ATP8B4: variants seen among roughly 807,000 people sequenced by gnomAD.
The protein encoded by ATP8B4 is probable phospholipid-transporting ATPase IM.
In ATP8B4, 133 loss-of-function variants were observed where a neutral mutation model predicts 145.6. The observed-to-expected ratio is 0.91, with a 90% CI of 0.79 to 1.05. The LOEUF (loss-of-function observed/expected upper bound fraction) is 1.05, where lower values mean the gene tolerates loss of function less well. ATP8B4 is among the 50% of genes least tolerant of loss of function. The probability of loss-of-function intolerance (pLI) is 0.00; values close to 1 mark genes in which losing one functional copy is unlikely to be tolerated. For missense variants in ATP8B4, 1,458 were observed against 1,425.2 expected, an observed-to-expected ratio of 1.02 and a Z score of -0.37; for synonymous variants, 507 against 492.9, an observed-to-expected ratio of 1.03 and a Z score of -0.38.
intron 23 of ATP8B4, chr15:49,894,848 T>C (rs1029668997): frequency 6.6e-6 from 1 of 152,228 alleles, no homozygotes. Context: ...GAAAGGACTA[T>C]AGAAACACCC....
At chr15:49,863,962 T>C (rs2032327735) in intron 26 of ATP8B4, among the ~76,000 whole-genome samples, 1 of 152,162 alleles carries the variant, frequency 6.6e-6, no homozygotes, top group Admixed American at 6.5e-5. Flanking sequence ...GGCATTCTAG[T>C]CTCATTATGC....
intron 26 of ATP8B4, among the ~76,000 whole-genome samples, chr15:49,864,936 T>C (rs2032522227): frequency 6.6e-6 from 1 of 152,232 alleles, no homozygotes; most frequent in South Asian, 2.1e-4. Flanking sequence ...GCTGTATGTT[T>C]GGTCTTCTTC....
chr15:50,072,923 T>C (rs146676916), intron 3 of ATP8B4, among the ~76,000 whole-genome samples: 4,132 of 12,832 alleles, frequency 0.32, 219 homozygotes, highest in African/African-American at 0.36. Context: ...GTGCCCGGCC[T>C]CTCTCTCTCT....
chr15:49,950,991 T>C (rs1345495595), intron 14 of ATP8B4, among the ~76,000 whole-genome samples: 3 of 152,246 alleles, frequency 2.0e-5, no homozygotes, highest in Non-Finnish European at 4.4e-5. Flanking sequence ...TTAATTTCCA[T>C]GAAATTGTGT....
chr15:49,885,542 TA>T (rs1951331407), intron 23 of ATP8B4, among the ~76,000 whole-genome samples: 1 of 152,246 alleles, frequency 6.6e-6, no homozygotes, highest in African/African-American at 2.4e-5. Flanking sequence ...GTAGGTACTC[TA>T]TAAATACTTG....
At chr15:50,003,436 T>C (rs2048064199) in intron 7 of ATP8B4, among the ~76,000 whole-genome samples, 1 of 152,000 alleles carries the variant, frequency 6.6e-6, no homozygotes, top group Admixed American at 6.6e-5. Flanking sequence ...CCACAGAAGC[T>C]TGTTGAGGCA....
At chr15:50,041,459 C>A (rs1204914747) in intron 5 of ATP8B4, among the ~76,000 whole-genome samples, 1 of 152,146 alleles carries the variant, frequency 6.6e-6, no homozygotes, top group African/African-American at 2.4e-5. Context: ...CATTTGTTTC[C>A]AAAGCTGTGA....
intron 20 of ATP8B4, among the ~76,000 whole-genome samples, chr15:49,907,627 T>C (rs755532435): frequency 7.2e-5 from 11 of 152,206 alleles, no homozygotes; most frequent in Non-Finnish European, 1.3e-4. Context: ...TAAGTTCTTA[T>C]CTAATCCCCC....
At chr15:50,116,015 G>A (rs1055083097) in intron 1 of ATP8B4, among the ~76,000 whole-genome samples, 1 of 152,168 alleles carries the variant, frequency 6.6e-6, no homozygotes, top group African/African-American at 2.4e-5. Flanking sequence ...TTTTAGGAAG[G>A]TTAATCTCAC....
chr15:50,145,477 T>C lies in ATP8B4; in HGVS notation c.-43+36784A>G, dbSNP rs147647482. On this transcript the variant is annotated intron_variant, in intron 1 of 3. Transcript: ENST00000558829. ...GAATCCATTTAAAATATTTCTGCAT[T>C]GGGTGGGAGTCTGTCCTAAACACAC... Among the ~76,000 whole-genome samples, 15 of 152,330 alleles carry C rather than the reference T, an allele frequency of 9.8e-5. No individual in the cohort carries two copies. The East Asian group carries it at 2.7e-3, about 27-fold the overall frequency.
intron 4 of ATP8B4, among the ~76,000 whole-genome samples, chr15:50,046,368 G>A (rs1483200439): frequency 6.6e-6 from 1 of 151,884 alleles, no homozygotes; most frequent in Non-Finnish European, 1.5e-5. Context: ...CAAGTAGAGG[G>A]CCTACCTAAG....
intron 1 of ATP8B4, among the ~76,000 whole-genome samples, chr15:50,144,967 T>C (rs966075612): frequency 1.1e-4 from 17 of 152,172 alleles, no homozygotes; most frequent in African/African-American, 3.9e-4. Context: ...GTAGAAAATA[T>C]TTCGTTCTTA....
intron 20 of ATP8B4, among the ~76,000 whole-genome samples, chr15:49,902,818 G>A (rs1184469977): frequency 6.6e-6 from 1 of 152,166 alleles, no homozygotes; most frequent in Non-Finnish European, 1.5e-5. Flanking sequence ...CTCTGACAAT[G>A]TTGCAGAGCT....
Position 49,968,211 on chromosome 15 carries a change from C to T in ATP8B4, c.1243+4371G>A, listed in dbSNP as rs541260394. 3.3e-5 allele frequency among the ~76,000 whole-genome samples: 5 copies of T among 152,308 alleles called. No homozygotes were observed. The East Asian group carries it at 9.6e-4, about 29-fold the overall frequency. On this transcript the variant is annotated intron_variant, in intron 13 of 27. Transcript: ENST00000284509. ...GACCATTGACACTATGAAGAAACTGCATCAACTAATGGGCAAAATGACCAG... is the reference window on the plus strand; with the variant it reads ...GACCATTGACACTATGAAGAAACTGTATCAACTAATGGGCAAAATGACCAG...
chr15:50,088,445 G>C lies in ATP8B4; in HGVS notation c.29-14260C>G, dbSNP rs182373828. ...TCAACTCCAGCCTCAGTGGCCTCTTGTTCCTTGACCACACCAGGTCCATTC... is the reference window on the plus strand; with the variant it reads ...TCAACTCCAGCCTCAGTGGCCTCTTCTTCCTTGACCACACCAGGTCCATTC... On this transcript the variant is annotated intron_variant, in intron 2 of 27. Coordinates refer to ENST00000284509, the MANE Select transcript of ATP8B4 (RefSeq NM_024837.4). Among the ~76,000 whole-genome samples the C allele has an allele frequency of 9.6e-4, 146 of 152,096 alleles. 1 individual carries two copies. The highest frequency in any genetic ancestry group is 3.3e-3 in the African/African-American group (137 of 41,498).
chr15:49,980,206 G>A (rs532169448), intron 11 of ATP8B4, among the ~76,000 whole-genome samples: 2 of 152,294 alleles, frequency 1.3e-5, no homozygotes, highest in South Asian at 4.1e-4. Flanking sequence ...GATACTGAAA[G>A]TAAAACACAG....
At chr15:50,136,189 C>A (rs1358798637) in intron 1 of ATP8B4, among the ~76,000 whole-genome samples, 1 of 152,148 alleles carries the variant, frequency 6.6e-6, no homozygotes, top group African/African-American at 2.4e-5. Context: ...GTGTGTCTGG[C>A]ACTCAGGGAG....
At chr15:50,008,982 A>G (rs1468857342) in intron 7 of ATP8B4, among the ~76,000 whole-genome samples, 1 of 152,218 alleles carries the variant, frequency 6.6e-6, no homozygotes, top group African/African-American at 2.4e-5. Flanking sequence ...TAATTCTTCA[A>G]TAATCTGACA....
intron 20 of ATP8B4, chr15:49,901,739 C>G: frequency 2.5e-6 from 1 of 393,976 alleles, no homozygotes; most frequent in Non-Finnish European, 4.9e-6. Context: ...CTCTGAGAAA[C>G]ATATTTTTTA....
Sources: allele counts gnomAD v4.1 joint callset (sites outside exome capture counted in the v4.1 genomes callset), GRCh38; gene constraint gnomAD v4.1.1; transcripts MANE v1.5; gene names NCBI Gene and HGNC (gene_info 2026-07-23, HGNC 2026-07-21).